USH2A: variants seen among roughly 807,000 people sequenced by gnomAD.
USH2A encodes the protein usherin, also known as Usher syndrome 2A (autosomal recessive, mild).
Under a neutral mutation model 538.9 loss-of-function variants are expected in USH2A, and 443 were observed. That is an observed-to-expected ratio of 0.82 (90% CI 0.76 to 0.89). The LOEUF is 0.89. USH2A is among the 40% of genes least tolerant of loss of function. The pLI, the probability that USH2A is intolerant of heterozygous loss-of-function variation, is 0.00. For synonymous variants in USH2A, 2,413 were observed against 2,273.5 expected, an observed-to-expected ratio of 1.06 and a Z score of -1.75; for missense variants, 6,633 against 6,324.8, an observed-to-expected ratio of 1.05 and a Z score of -1.65.
intron 9 of USH2A, among the ~76,000 whole-genome samples, chr1:216,300,434 C>G (rs1317438185): frequency 6.6e-6 from 1 of 152,180 alleles, no homozygotes; most frequent in Non-Finnish European, 1.5e-5. Flanking sequence ...ACCACTGATT[C>G]ATTTAACTGC....
intron 4 of USH2A, among the ~76,000 whole-genome samples, chr1:216,352,594 A>G (rs2038308027): frequency 1.3e-5 from 2 of 152,174 alleles, no homozygotes. Flanking sequence ...GAGCAAATAA[A>G]TAAGACAATG....
chr1:216,260,423 G>C (rs2036348214), intron 11 of USH2A, among the ~76,000 whole-genome samples: 1 of 152,112 alleles, frequency 6.6e-6, no homozygotes, highest in African/African-American at 2.4e-5. Context: ...TTAAACAATG[G>C]TTCTCAGCTA....
At chr1:215,728,406 A>C (rs865781325) in intron 60 of USH2A, 22 bp from the exon 61 acceptor site, 1 of 1,610,446 alleles carries the variant, frequency 6.2e-7, no homozygotes. Context: ...CCAAGCAGGC[A>C]ACCAGTGACA....
chr1:216,312,716 T>G (rs76167187), intron 9 of USH2A, among the ~76,000 whole-genome samples: 2,758 of 152,320 alleles, frequency 0.018, 89 homozygotes, highest in African/African-American at 0.061. Context: ...ATTAGAGCCT[T>G]TAGTGTATTC....
At chr1:215,793,825 A>G (rs1662047197) in intron 50 of USH2A, among the ~76,000 whole-genome samples, 1 of 152,208 alleles carries the variant, frequency 6.6e-6, no homozygotes, top group Non-Finnish European at 1.5e-5. Context: ...TAATATAAAT[A>G]AGTCAATATA....
intron 49 of USH2A, among the ~76,000 whole-genome samples, chr1:215,799,893 C>T (rs990748342): frequency 1.3e-5 from 2 of 151,798 alleles, no homozygotes; most frequent in South Asian, 2.1e-4. Flanking sequence ...GGCTGAGGCA[C>T]GAGAATTGCT....
In USH2A at chr1:215,970,248, T is replaced by C. The variant is rs551282881; in HGVS notation, c.6957+377A>G. 1.2e-4 allele frequency among the ~76,000 whole-genome samples: 18 copies of C among 152,306 alleles called. No individual in the cohort carries two copies. The South Asian group carries it at 1.9e-3, about 16-fold the overall frequency. On this transcript the variant is annotated intron_variant, in intron 36 of 71. Coordinates refer to ENST00000307340, the MANE Select transcript of USH2A (RefSeq NM_206933.4). Reference sequence around the variant, plus strand: ...CAGTGTTGCCATATTGTGGCACTTATGGACTTTCAATTATTTTTACTTCTT... The same window carrying C: ...CAGTGTTGCCATATTGTGGCACTTACGGACTTTCAATTATTTTTACTTCTT...
intron 6 of USH2A, 103 bp from the exon 7 acceptor site, chr1:216,324,455 T>C (rs1345677815): frequency 2.1e-5 from 23 of 1,117,106 alleles, no homozygotes; most frequent in Non-Finnish European, 3.0e-5. Context: ...GCTCACTTCA[T>C]CATAATTATA....
chr1:216,347,360 T>C lies in USH2A; in HGVS notation c.784+17593A>G, dbSNP rs375027775. Among the ~76,000 whole-genome samples, 15 of 152,254 alleles carry C rather than the reference T, an allele frequency of 9.9e-5. 1 individual carries two copies. The highest frequency in any genetic ancestry group is 3.9e-4 in the Admixed American group (6 of 15,276). On this transcript the variant is annotated intron_variant, in intron 4 of 71. Coordinates refer to ENST00000307340, the MANE Select transcript of USH2A (RefSeq NM_206933.4). ...TTATTTTGGCCTAATGAATGACTTATGATGACCTGGAATTATATTTTGTGA... is the reference window on the plus strand; with the variant it reads ...TTATTTTGGCCTAATGAATGACTTACGATGACCTGGAATTATATTTTGTGA...
rs370391920 is a variant in USH2A, at chr1:216,097,154, G to A, written c.4687C>T (p.Pro1563Ser). 9 of 1,614,134 alleles carry A rather than the reference G, an allele frequency of 5.6e-6. No individual in the cohort carries two copies. In the East Asian group the frequency reaches 6.7e-5, roughly 12 times the overall value. The stretch of plus-strand genomic sequence containing the variant: ...GCAAAATACTCTTCCTGATTGCCAG[G>A]TGATGCTGCAAAGACAATCAAACCT... Reference protein sequence around the residue: ...PEGLIVFAASPGNQEEYFALQ... With the variant: ...PEGLIVFAASSGNQEEYFALQ... Residue 1563 changes from proline (P) to serine (S), a missense_variant, in exon 22 of 72, where the codon CCT becomes TCT. By Grantham distance (74) the Pro-to-Ser change is moderately conservative (BLOSUM62 -1). Transcript: ENST00000307340.
intron 41 of USH2A, among the ~76,000 whole-genome samples, chr1:215,883,648 C>T (rs1194955731): frequency 1.3e-5 from 2 of 151,946 alleles, no homozygotes; most frequent in Non-Finnish European, 2.9e-5. Context: ...TTAAAGCAAA[C>T]CATTCTTTAC....
intron 11 of USH2A, among the ~76,000 whole-genome samples, chr1:216,287,640 T>G (rs1205064977): frequency 6.6e-6 from 1 of 151,908 alleles, no homozygotes; most frequent in Non-Finnish European, 1.5e-5. Context: ...TTCAGAAAAA[T>G]CAGGTTTCAA....
intron 11 of USH2A, among the ~76,000 whole-genome samples, chr1:216,278,328 G>A (rs1432620612): frequency 6.6e-6 from 1 of 152,070 alleles, no homozygotes; most frequent in Non-Finnish European, 1.5e-5. Context: ...TTACTTTCAG[G>A]CAGTTTGTCA....
chr1:216,364,846 C>T, intron 4 of USH2A, 107 bp downstream of exon 4: 1 of 1,429,914 alleles, frequency 7.0e-7, no homozygotes, highest in Non-Finnish European at 9.6e-7. Context: ...TTCAGTAGCC[C>T]TAGAAGATGA....
chr1:216,135,544 T>A (rs1217748175), intron 21 of USH2A, among the ~76,000 whole-genome samples: 1 of 152,106 alleles, frequency 6.6e-6, no homozygotes, highest in African/African-American at 2.4e-5. Context: ...TCAACAAAAA[T>A]GTCATAGATG....
intron 11 of USH2A, among the ~76,000 whole-genome samples, chr1:216,277,425 A>G (rs955141796): frequency 1.3e-5 from 2 of 152,088 alleles, no homozygotes; most frequent in Non-Finnish European, 2.9e-5. Context: ...CCAATATTAC[A>G]GGGTCCACCT....
intron 32 of USH2A, among the ~76,000 whole-genome samples, chr1:216,005,174 G>A (rs2102487075): frequency 6.6e-6 from 1 of 152,170 alleles, no homozygotes; most frequent in South Asian, 2.1e-4. Flanking sequence ...ACACTTCTGG[G>A]CCTTTGCAGG....
At chr1:215,891,505 CA>C (rs1665210096) in intron 40 of USH2A, among the ~76,000 whole-genome samples, 1 of 152,134 alleles carries the variant, frequency 6.6e-6, no homozygotes, top group Non-Finnish European at 1.5e-5. Flanking sequence ...AGGGCCACCA[CA>C]ATTATGTAAA....
At chr1:216,063,293 T>C (rs1476596899) in intron 30 of USH2A, among the ~76,000 whole-genome samples, 1 of 152,190 alleles carries the variant, frequency 6.6e-6, no homozygotes, top group Non-Finnish European at 1.5e-5. Context: ...GCTCCTTCCA[T>C]CTCACTTCCT....
Sources: allele counts gnomAD v4.1 joint callset (sites outside exome capture counted in the v4.1 genomes callset), GRCh38; gene constraint gnomAD v4.1.1; transcripts MANE v1.5; gene names NCBI Gene and HGNC (gene_info 2026-07-23, HGNC 2026-07-21).